Variants in FHIT observed in about 807,000 individuals in gnomAD.
FHIT encodes fragile histidine triad diadenosine triphosphatase, also known as bis(5'-adenosyl)-triphosphatase.
A neutral mutation model predicts 17.9 loss-of-function variants in FHIT; 19 were observed. The ratio of observed to expected loss-of-function variants is 1.06; its 90% CI spans 0.74 to 1.56. FHIT has a LOEUF of 1.56. FHIT is among the 40% of genes most tolerant of loss of function. The probability of loss-of-function intolerance (pLI) is 0.00; values close to 1 mark genes in which losing one functional copy is unlikely to be tolerated. For synonymous variants in FHIT, 81 were observed against 69.7 expected (o/e 1.16, Z -0.81); for missense variants, 248 against 189.2 (o/e 1.31, Z -1.82).
chr3:59,769,043 C>T (rs2106821849), intron 8 of FHIT, among the ~76,000 whole-genome samples: 1 of 152,294 alleles, frequency 6.6e-6, no homozygotes, highest in South Asian at 2.1e-4. Flanking sequence ...TTAAGGAAAG[C>T]TGGAAAGAAA....
intron 4 of FHIT, among the ~76,000 whole-genome samples, chr3:60,716,998 C>T (rs968208343): frequency 2.1e-4 from 32 of 152,152 alleles, no homozygotes; most frequent in Non-Finnish European, 4.3e-4. Context: ...ATCTGCAACA[C>T]GAATGAACCT....
At chr3:60,037,277 C>T (rs1444174723) in intron 5 of FHIT, among the ~76,000 whole-genome samples, 1 of 152,012 alleles carries the variant, frequency 6.6e-6, no homozygotes, top group African/African-American at 2.4e-5. Flanking sequence ...ATACATAATG[C>T]TTCAAAAAAA....
intron 5 of FHIT, among the ~76,000 whole-genome samples, chr3:60,197,370 GT>G (rs1206040246): frequency 1.3e-5 from 2 of 152,026 alleles, no homozygotes; most frequent in Non-Finnish European, 2.9e-5. Flanking sequence ...GATACAGTGG[GT>G]TAAATAAAAT....
intron 8 of FHIT, among the ~76,000 whole-genome samples, chr3:59,794,192 C>T (rs1261748395): frequency 5.9e-5 from 9 of 152,308 alleles, no homozygotes; most frequent in East Asian, 5.8e-4. Flanking sequence ...TTCTCTAGAA[C>T]GTACCGTTGT....
chr3:60,123,718 C>G (rs1705362648), intron 5 of FHIT, among the ~76,000 whole-genome samples: 1 of 151,644 alleles, frequency 6.6e-6, no homozygotes, highest in South Asian at 2.1e-4. Flanking sequence ...CTTCATTTCT[C>G]TAATCATGAG....
chr3:59,986,293 G>C (rs1202075637), intron 7 of FHIT, among the ~76,000 whole-genome samples: 1 of 151,222 alleles, frequency 6.6e-6, no homozygotes, highest in Non-Finnish European at 1.5e-5. Flanking sequence ...AAAATTCAAC[G>C]GCACCCCCTT....
intron 8 of FHIT, among the ~76,000 whole-genome samples, chr3:59,762,852 T>A (rs540640000): frequency 6.6e-6 from 1 of 152,130 alleles, no homozygotes; most frequent in Non-Finnish European, 1.5e-5. Context: ...AGAAAACTGG[T>A]GAGGCAAAAG....
At chr3:60,139,060 A>G (rs1699929621) in intron 5 of FHIT, among the ~76,000 whole-genome samples, 2 of 152,188 alleles carry the variant, frequency 1.3e-5, no homozygotes, top group Non-Finnish European at 2.9e-5. Flanking sequence ...ATCACAGAGA[A>G]TACAGAAAGT....
At chr3:61,000,964 G>GAA (rs111399338) in intron 3 of FHIT, among the ~76,000 whole-genome samples, 3 of 143,160 alleles carry the variant, frequency 2.1e-5, no homozygotes, top group South Asian at 2.2e-4. Context: ...AAGCTCAACA[G>GAA]AAAAAAAAAA....
At chr3:60,996,484 T>C (rs555124055) in intron 3 of FHIT, among the ~76,000 whole-genome samples, 96 of 152,342 alleles carry the variant, frequency 6.3e-4, no homozygotes, top group Middle Eastern at 3.4e-3. Flanking sequence ...ATTTTGTTGT[T>C]GCTGTGAGGA....
intron 7 of FHIT, among the ~76,000 whole-genome samples, chr3:59,978,899 T>C (rs886815159): frequency 6.6e-6 from 1 of 151,904 alleles, no homozygotes; most frequent in Non-Finnish European, 1.5e-5. Flanking sequence ...CCAGACTCTG[T>C]TCTTCAAAAG....
intron 4 of FHIT, among the ~76,000 whole-genome samples, chr3:60,550,997 G>A (rs1298294644): frequency 1.3e-5 from 2 of 152,134 alleles, no homozygotes; most frequent in Non-Finnish European, 2.9e-5. Context: ...AAGGAAAGGG[G>A]AATCTCACGT....
At chr3:60,533,940 A>C (rs2107593283) in intron 5 of FHIT, among the ~76,000 whole-genome samples, 1 of 152,292 alleles carries the variant, frequency 6.6e-6, no homozygotes, top group South Asian at 2.1e-4. Flanking sequence ...AGACAGCATA[A>C]ATCTAGATGA....
intron 3 of FHIT, among the ~76,000 whole-genome samples, chr3:60,982,482 G>A (rs765833162): frequency 4.6e-5 from 7 of 152,200 alleles, no homozygotes; most frequent in Non-Finnish European, 8.8e-5. Flanking sequence ...AATAGTAAAT[G>A]CTTCATAAAT....
chr3:61,216,898 A>G (rs1165418246), intron 1 of FHIT, among the ~76,000 whole-genome samples: 2 of 151,922 alleles, frequency 1.3e-5, no homozygotes, highest in African/African-American at 2.4e-5. Flanking sequence ...GCAAGGACAA[A>G]AAACCAAACA....
chr3:60,284,076 A>C (rs1038095623), intron 5 of FHIT, among the ~76,000 whole-genome samples: 8 of 152,118 alleles, frequency 5.3e-5, no homozygotes, highest in Admixed American at 3.3e-4. Flanking sequence ...AGAATCATAA[A>C]AAGATAGGTT....
intron 2 of FHIT, among the ~76,000 whole-genome samples, chr3:61,104,252 G>A (rs1158103687): frequency 1.3e-5 from 2 of 152,178 alleles, no homozygotes; most frequent in Admixed American, 6.5e-5. Flanking sequence ...GATCTTGTAA[G>A]GCAGGTCTGC....
intron 5 of FHIT, among the ~76,000 whole-genome samples, chr3:60,037,960 C>A (rs565553156): frequency 6.6e-6 from 1 of 152,112 alleles, no homozygotes; most frequent in Non-Finnish European, 1.5e-5. Flanking sequence ...GCAATCTGCC[C>A]GCCTCGGCCT....
intron 4 of FHIT, among the ~76,000 whole-genome samples, chr3:60,544,321 C>T (rs2036289498): frequency 6.6e-6 from 1 of 151,642 alleles, no homozygotes; most frequent in Admixed American, 6.6e-5. Context: ...AAAAATATCC[C>T]TTCTATTTCA....
Sources: gnomAD v4.1 joint callset for allele counts (sites outside exome capture counted in the v4.1 genomes callset) on GRCh38, gnomAD v4.1.1 for gene constraint, MANE v1.5 for transcripts, NCBI Gene and HGNC (gene_info 2026-07-23, HGNC 2026-07-21) for gene names.